UTRN: variants seen among roughly 807,000 people sequenced by gnomAD.
UTRN encodes the protein utrophin.
Under a neutral mutation model 463.9 loss-of-function variants are expected in UTRN, and 283 were observed. That is an observed-to-expected ratio of 0.61 (90% CI 0.55 to 0.67). UTRN has a LOEUF of 0.67. Among genes scored for constraint, UTRN ranks in the 30% least tolerant of loss-of-function variants. UTRN has a pLI of 0.00. For synonymous variants in UTRN, 1,442 were observed against 1,431.5 expected (o/e 1.01, Z -0.17); for missense variants, 3,922 against 4,084.3 (o/e 0.96, Z 1.08).
At chr6:144,551,151 A>ACG (rs1554287009) in intron 48 of UTRN, 69 bp downstream of exon 48, 2 of 827,612 alleles carry the variant, frequency 2.4e-6, no homozygotes, top group Admixed American at 5.6e-5. Context: ...ACACACACAC[A>ACG]CACACACACA....
chr6:144,764,046 A>G (rs890614354), intron 58 of UTRN, among the ~76,000 whole-genome samples: 2 of 152,194 alleles, frequency 1.3e-5, no homozygotes, highest in African/African-American at 4.8e-5. Context: ...AGCAAAATGT[A>G]CTGGAGAGTC....
At chr6:144,839,773 G>C (rs1268505565) in intron 72 of UTRN, among the ~76,000 whole-genome samples, 1 of 152,070 alleles carries the variant, frequency 6.6e-6, no homozygotes, top group Non-Finnish European at 1.5e-5. Flanking sequence ...GCCTGTCCTT[G>C]GTCACAATGG....
At chr6:144,780,332 C>T (rs1775710099) in intron 60 of UTRN, among the ~76,000 whole-genome samples, 1 of 151,364 alleles carries the variant, frequency 6.6e-6, no homozygotes, top group Non-Finnish European at 1.5e-5. Context: ...TATATATAAC[C>T]AACTATTTTC....
At chr6:144,412,019 C>T (rs1039388193) in intron 3 of UTRN, among the ~76,000 whole-genome samples, 9 of 152,134 alleles carry the variant, frequency 5.9e-5, no homozygotes, top group African/African-American at 9.7e-5. Flanking sequence ...TACTTTCAGT[C>T]TTCTCTGTGG....
At chr6:144,577,367 C>A in intron 51 of UTRN, 79 bp downstream of exon 51, 1 of 1,434,918 alleles carries the variant, frequency 7.0e-7, no homozygotes, top group Non-Finnish European at 9.6e-7. Context: ...ATGTGTTACC[C>A]TTAAAAGGTG....
chr6:144,384,257 G>A (rs1484107013), intron 2 of UTRN, among the ~76,000 whole-genome samples: 52 of 152,216 alleles, frequency 3.4e-4, no homozygotes, highest in Non-Finnish European at 1.0e-4. Flanking sequence ...GTTAGGAGGC[G>A]AGTCACACAG....
At position 144,759,885 on chromosome 6, in the gene UTRN, T is replaced by TA. The variant is rs199944975; in HGVS notation, c.8495+1903dup. ...CAATAGAAAATTAATGCATGTACTA[T>TA]AAAAAAATCAAGAAGTTCACGCAAA... is the stretch of plus-strand genomic sequence containing the variant. On this transcript the variant is annotated intron_variant, in intron 58 of 74. Transcript: ENST00000367545. Among the ~76,000 whole-genome samples the TA allele has an allele frequency of 3.3e-3, 505 of 152,204 alleles. 17 individuals are homozygous for TA. In the East Asian group the frequency reaches 0.078, roughly 24 times the overall value.
At chr6:144,367,343 A>G (rs956941530) in intron 2 of UTRN, among the ~76,000 whole-genome samples, 22 of 152,238 alleles carry the variant, frequency 1.4e-4, no homozygotes, top group Non-Finnish European at 2.9e-4. Flanking sequence ...TTAAAAAAAA[A>G]AAAAAATCCT....
At chr6:144,433,308 T>A (rs776365909) in intron 9 of UTRN, among the ~76,000 whole-genome samples, 2 of 128,358 alleles carry the variant, frequency 1.6e-5, no homozygotes, top group Admixed American at 7.9e-5. Context: ...GCTGGCCGGG[T>A]GGGGGGCTGA....
chr6:144,479,892 A>G lies in UTRN; in HGVS notation c.3417A>G (p.Glu1139=). Residue 1139 remains glutamate (E), a synonymous_variant, in exon 26 of 75, where the codon GAA becomes GAG. Transcript: ENST00000367545. ...NLKKDLAEMQ[E]WMTQAEEEYL... Reference sequence around the variant, plus strand: ...AGAAAGACTTGGCAGAGATGCAGGAATGGATGACCCAGGCCGAGGAAGAAT... The same window carrying G: ...AGAAAGACTTGGCAGAGATGCAGGAGTGGATGACCCAGGCCGAGGAAGAAT... The G allele has an allele frequency of 6.2e-7, 1 of 1,614,238 alleles. No individual in the cohort carries two copies. Among genetic ancestry groups the G allele is most frequent in the Non-Finnish European group, 8.5e-7 (1 of 1,180,026 alleles).
chr6:144,440,573 A>G, intron 13 of UTRN, 102 bp downstream of exon 13: 1 of 1,518,392 alleles, frequency 6.6e-7, no homozygotes, highest in Non-Finnish European at 9.0e-7. Flanking sequence ...CTTTATCCAG[A>G]AGGGTAGAAA....
intron 66 of UTRN, among the ~76,000 whole-genome samples, chr6:144,824,597 TATATATATA>T (rs1779954221): frequency 3.3e-5 from 2 of 61,496 alleles, no homozygotes; most frequent in Admixed American, 2.6e-4. Context: ...TATATATATA[TATATATATA>T]TATATATCTT....
chr6:144,804,462 G>A (rs1300865393), intron 65 of UTRN, among the ~76,000 whole-genome samples: 1 of 152,172 alleles, frequency 6.6e-6, no homozygotes, highest in Non-Finnish European at 1.5e-5. Flanking sequence ...CCAGACACTA[G>A]TTAAAGTGGT....
At chr6:144,367,947 G>A (rs1779649755) in intron 2 of UTRN, among the ~76,000 whole-genome samples, 1 of 151,878 alleles carries the variant, frequency 6.6e-6, no homozygotes, top group African/African-American at 2.4e-5. Flanking sequence ...ACGCCTGGCT[G>A]ATTTTTGTAT....
At chr6:144,813,108 A>G (rs1778764860) in intron 65 of UTRN, among the ~76,000 whole-genome samples, 2 of 152,104 alleles carry the variant, frequency 1.3e-5, no homozygotes, top group Admixed American at 6.6e-5. Flanking sequence ...GTCCAGAGGC[A>G]TCTGGGGAAG....
chr6:144,470,776 G>T (rs917497844), intron 23 of UTRN, among the ~76,000 whole-genome samples: 3 of 151,992 alleles, frequency 2.0e-5, no homozygotes, highest in Non-Finnish European at 4.4e-5. Flanking sequence ...TGCAATCCCG[G>T]TACCTCGGGA....
intron 3 of UTRN, among the ~76,000 whole-genome samples, chr6:144,408,494 A>G (rs547529123): frequency 6.6e-6 from 1 of 152,378 alleles, no homozygotes; most frequent in Admixed American, 6.5e-5. Flanking sequence ...AAGAGGCTTC[A>G]CAAATAAAGG....
intron 51 of UTRN, among the ~76,000 whole-genome samples, chr6:144,667,165 C>T (rs1225278452): frequency 6.6e-6 from 1 of 152,124 alleles, no homozygotes. Flanking sequence ...AGTGATTCTC[C>T]TGCCTCAGCC....
chr6:144,805,249 TC>T (rs1056563468), intron 65 of UTRN, among the ~76,000 whole-genome samples: 5 of 152,158 alleles, frequency 3.3e-5, no homozygotes, highest in Non-Finnish European at 7.3e-5. Flanking sequence ...ATTGTGGACT[TC>T]CTGCTACTCT....
Sources: allele counts gnomAD v4.1 joint callset (sites outside exome capture counted in the v4.1 genomes callset), GRCh38; gene constraint gnomAD v4.1.1; transcripts MANE v1.5; gene names NCBI Gene and HGNC (gene_info 2026-07-23, HGNC 2026-07-21).